The following NETO2 variants were observed in gnomAD, a reference collection of about 807,000 sequenced individuals.
The protein encoded by NETO2 is neuropilin and tolloid-like protein 2.
NETO2 carries 28 observed loss-of-function variants against 62.5 expected under a neutral mutation model. The observed-to-expected ratio is 0.45, with a 90% CI of 0.33 to 0.61. NETO2 has a LOEUF of 0.61. Ranked by LOEUF, NETO2 falls within the 20% of genes least tolerant of loss-of-function variation. The pLI is 0.02. For missense variants in NETO2, 548 were observed against 643.2 expected (o/e 0.85, Z 1.60); for synonymous variants, 214 against 219.1 (o/e 0.98, Z 0.21).
intron 4 of NETO2, among the ~76,000 whole-genome samples, chr16:47,124,357 A>T (rs1964109516): frequency 6.6e-6 from 1 of 152,186 alleles, no homozygotes; most frequent in Non-Finnish European, 1.5e-5. Flanking sequence ...TCATTATTGC[A>T]TTAAAATGTC....
rs142269266 is a variant in NETO2, at chr16:47,113,753, G to A, written c.655-4042C>T. Among the ~76,000 whole-genome samples, 1,246 of 151,574 alleles carry A rather than the reference G, an allele frequency of 8.2e-3. 12 individuals carry two copies. Among genetic ancestry groups the A allele is most frequent in the Non-Finnish European group, 0.01 (711 of 67,862 alleles). ...ATTACAGGCACCTGCCACCAGGCCC[G>A]GCTAATTTTTTGTATTTTCAGTAGA... is the stretch of plus-strand genomic sequence containing the variant. On this transcript the variant is annotated intron_variant, in intron 6 of 8. Transcript: ENST00000562435.
In NETO2 at chr16:47,080,793, CCT is replaced by C. The variant is rs1205351796; in HGVS notation, c.*2426_*2427del. On this transcript the variant is annotated 3_prime_UTR_variant, in exon 9 of 9. Transcript: ENST00000562435. ...ACTGGGTTAAGAAGCACCATTATAA[CCT>C]CTGTCTCCATTTTGCATCTTTTTTA... 1.4e-4 allele frequency: 22 copies of C among 152,296 alleles called. No homozygotes were observed. The highest frequency in any genetic ancestry group is 4.3e-4 in the African/African-American group (18 of 41,566). 9.4% of individuals were successfully genotyped at this position (152,296 alleles called of 1,614,324 possible).
chr16:47,118,195 CTT>C (rs772067460), intron 6 of NETO2, among the ~76,000 whole-genome samples: 2 of 152,090 alleles, frequency 1.3e-5, no homozygotes, highest in African/African-American at 2.4e-5. Flanking sequence ...TTCTGTCTCT[CTT>C]TGTTTGGGTG....
chr16:47,107,394 C>G (rs1377988573), intron 7 of NETO2, among the ~76,000 whole-genome samples: 1 of 152,154 alleles, frequency 6.6e-6, no homozygotes, highest in Non-Finnish European at 1.5e-5. Flanking sequence ...AACTGGAAAA[C>G]AGTATCTTGA....
At chr16:47,142,473 C>G (rs1354226306) in intron 1 of NETO2, among the ~76,000 whole-genome samples, 1 of 152,128 alleles carries the variant, frequency 6.6e-6, no homozygotes, top group Non-Finnish European at 1.5e-5. Flanking sequence ...GAAAAAAGTG[C>G]TGTTAGGGAG....
intron 7 of NETO2, among the ~76,000 whole-genome samples, chr16:47,087,623 T>TA (rs975965931): frequency 7.2e-5 from 11 of 152,074 alleles, no homozygotes; most frequent in South Asian, 2.1e-4. Flanking sequence ...TTACCCATAA[T>TA]AAAAAAAATC....
rs1461566551 is a variant in NETO2, at chr16:47,128,535, G to A, written c.271C>T (p.His91Tyr). 1.9e-6 allele frequency: 3 copies of A among 1,613,450 alleles called. No individual in the cohort carries two copies. In the South Asian group the frequency reaches 3.3e-5, roughly 18 times the overall value. The change falls in exon 4 of 9, where the codon CAT becomes TAT. Residue 91 changes from histidine (H) to tyrosine (Y), a missense_variant. His to Tyr is a moderately conservative substitution (Grantham distance 83). Coordinates refer to ENST00000562435, the MANE Select transcript of NETO2 (RefSeq NM_018092.5). The stretch of plus-strand genomic sequence containing the variant: ...TCAAATGATGGTTCTATATAATAAT[G>A]TTCATCAAAGGTCAACTCTATTCTT... ...RQRIELTFDE[H>Y]YYIEPSFECR...
At chr16:47,096,420 C>A (rs1963428829) in intron 7 of NETO2, among the ~76,000 whole-genome samples, 1 of 152,020 alleles carries the variant, frequency 6.6e-6, no homozygotes, top group Non-Finnish European at 1.5e-5. Flanking sequence ...TTATTAAGAA[C>A]AAAAAGACTC....
chr16:47,103,209 A>G (rs930824342), intron 7 of NETO2, among the ~76,000 whole-genome samples: 3 of 152,180 alleles, frequency 2.0e-5, no homozygotes, highest in Non-Finnish European at 4.4e-5. Context: ...CAAACACTGC[A>G]TGTTCTCACT....
rs1009610379 is a variant in NETO2, at chr16:47,143,662, TGGCTCGGCGCTCAC to T, written c.-64_-51del. On this transcript the variant is annotated 5_prime_UTR_variant, in exon 1 of 9. The change abolishes the stop of an existing upstream ORF in the 5' untranslated region. Transcript: ENST00000562435. Reference sequence around the variant, plus strand: ...CGAAGGGCTGAGGTAGCGGCGGCGGTGGCTCGGCGCTCACGGCTCGGCGCGGCGGCGACGGCCCC... The same window carrying T: ...CGAAGGGCTGAGGTAGCGGCGGCGGTGGCTCGGCGCGGCGGCGACGGCCCC... The T allele has an allele frequency of 1.4e-5, 17 of 1,218,220 alleles. No individual in the cohort carries two copies. Among genetic ancestry groups the T allele is most frequent in the South Asian group, 1.2e-4 (3 of 24,258 alleles). The allele number at this position is 1,218,220 out of a possible 1,614,324, so 75.5% of individuals were successfully genotyped here. A position where few individuals can be genotyped will look rare whatever the true frequency, so the allele number is the denominator to read the frequency against.
At chr16:47,087,285 A>G (rs1301305809) in intron 7 of NETO2, among the ~76,000 whole-genome samples, 2 of 152,132 alleles carry the variant, frequency 1.3e-5, no homozygotes, top group Admixed American at 1.3e-4. Context: ...TGGCCTCCCA[A>G]AGCGCTGGGA....
intron 6 of NETO2, among the ~76,000 whole-genome samples, chr16:47,120,166 C>A (rs1036675212): frequency 6.6e-6 from 1 of 152,138 alleles, no homozygotes; most frequent in Non-Finnish European, 1.5e-5. Flanking sequence ...TGAGATTTAT[C>A]TAGTGAGATA....
intron 7 of NETO2, among the ~76,000 whole-genome samples, chr16:47,097,612 C>A (rs191001668): frequency 6.6e-6 from 1 of 152,206 alleles, no homozygotes; most frequent in African/African-American, 2.4e-5. Flanking sequence ...CAGACTTAAA[C>A]GTTCCTGCCT....
chr16:47,111,355 C>T (rs1033853971), intron 6 of NETO2, among the ~76,000 whole-genome samples: 2 of 152,042 alleles, frequency 1.3e-5, no homozygotes, highest in Non-Finnish European at 2.9e-5. Context: ...ATAGTAAATG[C>T]TCTTCAAAGA....
At chr16:47,108,748 G>A (rs533243934) in intron 7 of NETO2, among the ~76,000 whole-genome samples, 5 of 152,270 alleles carry the variant, frequency 3.3e-5, no homozygotes, top group Non-Finnish European at 5.9e-5. Context: ...ATACCGGACC[G>A]GTCTATAGCT....
chr16:47,120,996 C>A (rs566752092), intron 6 of NETO2, among the ~76,000 whole-genome samples: 48 of 152,240 alleles, frequency 3.2e-4, no homozygotes, highest in African/African-American at 1.1e-3. Context: ...AACATCCGGG[C>A]ATCAGACTTA....
intron 8 of NETO2, 92 bp from the exon 9 acceptor site, chr16:47,083,893 A>T: frequency 2.2e-6 from 2 of 920,690 alleles, no homozygotes; most frequent in Admixed American, 5.6e-5. Context: ...GTAAAACAGA[A>T]TACTTGGGCC....
rs1963745563 is a variant in NETO2, at chr16:47,109,549, G to A, written c.817C>T (p.Arg273Ter). 1 of 1,614,002 alleles carries A rather than the reference G, an allele frequency of 6.2e-7. No homozygotes were observed. The highest frequency in any genetic ancestry group is 1.1e-5 in the South Asian group (1 of 91,072). The change falls in exon 7 of 9, where the codon CGA becomes TGA. Residue 273 changes from arginine (R) to a stop codon, truncating the protein, a stop_gained. Coordinates refer to ENST00000562435, the MANE Select transcript of NETO2 (RefSeq NM_018092.5). LOFTEE classifies it high-confidence loss of function. Reference protein sequence around the residue: ...VMLKTGIGVIRMWADEGSRLS... With the variant: ...VMLKTGIGVI ...CGACTACCTTCATCTGCCCACATTC[G>A]AATCACTCCAATTCCTGTTTTAAGC...
chr16:47,082,951 C>G lies in NETO2; in HGVS notation c.*270G>C, dbSNP rs145321104. The G allele has an allele frequency of 1.4e-5, 5 of 352,334 alleles. No homozygotes were observed. Among genetic ancestry groups the G allele is most frequent in the African/African-American group, 6.3e-5 (3 of 47,990 alleles). The allele number at this position is 352,334 out of a possible 1,614,324, so 21.8% of individuals were successfully genotyped here. On this transcript the variant is annotated 3_prime_UTR_variant, in exon 9 of 9. Coordinates refer to ENST00000562435, the MANE Select transcript of NETO2 (RefSeq NM_018092.5). ...GCCTGGCTCCATCCAACCACCTCTT[C>G]TAATGCTCTTTAACTGGCAGTGCTT...
Sources: gnomAD v4.1 joint callset for allele counts (sites outside exome capture counted in the v4.1 genomes callset) on GRCh38, gnomAD v4.1.1 for gene constraint, MANE v1.5 for transcripts, NCBI Gene and HGNC (gene_info 2026-07-23, HGNC 2026-07-21) for gene names.